UBA2: variants seen among roughly 807,000 people sequenced by gnomAD.
UBA2 encodes SUMO-activating enzyme subunit 2.
Under a neutral mutation model 77.2 loss-of-function variants are expected in UBA2, and 11 were observed. The observed-to-expected ratio is 0.14, with a 90% CI of 0.09 to 0.24. The LOEUF (loss-of-function observed/expected upper bound fraction) is 0.24. UBA2 is among the 10% of genes least tolerant of loss of function. The pLI, the probability that UBA2 is intolerant of heterozygous loss-of-function variation, is 1.00. For missense variants in UBA2, 487 were observed against 781.7 expected, an observed-to-expected ratio of 0.62 and a Z score of 4.50; for synonymous variants, 278 against 276.7, an observed-to-expected ratio of 1.00 and a Z score of -0.05.
rs2075726647 is a variant in UBA2 at position 34,470,545 on chromosome 19, T to C, written c.*1324T>C. 1.3e-5 allele frequency: 2 copies of C among 152,192 alleles called. No individual in the cohort carries two copies. The highest frequency in any genetic ancestry group is 2.9e-5 in the Non-Finnish European group (2 of 68,050). The allele number at this position is 152,192 out of a possible 1,614,324, so 9.4% of individuals were successfully genotyped here. On this transcript the variant is annotated 3_prime_UTR_variant, in exon 17 of 17. Coordinates refer to ENST00000246548, the MANE Select transcript of UBA2 (RefSeq NM_005499.3). The stretch of plus-strand genomic sequence containing the variant: ...GTGGGTTTTTTGTTCGTTTTTGAGA[T>C]GAAGCCTCACACTGTCATCTGGCCT...
intron 14 of UBA2, among the ~76,000 whole-genome samples, chr19:34,462,570 G>A (rs1369064211): frequency 6.6e-6 from 1 of 152,132 alleles, no homozygotes; most frequent in East Asian, 1.9e-4. Flanking sequence ...TATTTTCTGG[G>A]TGTCAACGTA....
chr19:34,438,764 C>T lies in UBA2; in HGVS notation c.579C>T (p.Phe193=). 1 of 1,612,730 alleles carries T rather than the reference C, an allele frequency of 6.2e-7. No individual in the cohort carries two copies. Among genetic ancestry groups the T allele is most frequent in the Non-Finnish European group, 8.5e-7 (1 of 1,179,694 alleles). ...GCATCGTTTGGGCAAAGTACTTGTT[C>T]AAGTAAGAGTGTATATTTCTTGGCA... ...IHCIVWAKYL[F]NQLFGEEDAD... Residue 193 remains phenylalanine (F), a splice_region_variant and synonymous_variant, in exon 6 of 17, where the codon TTC becomes TTT. Transcript: ENST00000246548.
chr19:34,457,423 C>T (rs116371302), intron 12 of UBA2, among the ~76,000 whole-genome samples: 2,762 of 151,826 alleles, frequency 0.018, 82 homozygotes, highest in African/African-American at 0.065. Context: ...CAAATGAATT[C>T]CAGCCTGGAT....
At chr19:34,428,816 C>T in intron 1 of UBA2, 2 of 1,157,314 alleles carry the variant, frequency 1.7e-6, no homozygotes, top group Non-Finnish European at 2.1e-6. Context: ...GCCCCCGCCT[C>T]CCCGGCAGCG....
intron 12 of UBA2, among the ~76,000 whole-genome samples, chr19:34,457,177 AAAATATATATATATATATATAT>A (rs1228214910): frequency 1.3e-4 from 9 of 68,506 alleles, no homozygotes; most frequent in African/African-American, 3.0e-4. Flanking sequence ...AAAAAAAAAA[AAAATATATATATATATATATAT>A]ATATATATAT....
Position 34,436,444 on chromosome 19 carries a change from C to T in UBA2, c.459+1476C>T, listed in dbSNP as rs567847064. On this transcript the variant is annotated intron_variant, in intron 5 of 16. Transcript: ENST00000246548. The stretch of plus-strand genomic sequence containing the variant: ...TCTCCCGAGTAGCTGGGATTACAGG[C>T]GTGCGCCACCACGCCTGGCTAATTT... Among the ~76,000 whole-genome samples, 8 of 152,210 alleles carry T rather than the reference C, an allele frequency of 5.3e-5. No homozygotes were observed. The South Asian group carries it at 6.2e-4, about 12-fold the overall frequency.
chr19:34,460,071 C>T (rs981629285), intron 13 of UBA2, among the ~76,000 whole-genome samples: 4 of 152,118 alleles, frequency 2.6e-5, no homozygotes, highest in South Asian at 2.1e-4. Flanking sequence ...ATGCATGGAA[C>T]GGGGAGACTT....
chr19:34,466,738 T>A, intron 15 of UBA2, 140 bp from the exon 16 acceptor site: 1 of 631,430 alleles, frequency 1.6e-6, no homozygotes, highest in Middle Eastern at 4.8e-4. Context: ...TCATTTTTTT[T>A]TAAATAAAAA....
At chr19:34,457,214 A>ATATATATATATATATATATAT (rs2075578002) in intron 12 of UBA2, among the ~76,000 whole-genome samples, 8 of 134,514 alleles carry the variant, frequency 5.9e-5, no homozygotes, top group African/African-American at 8.6e-5. Flanking sequence ...ATATATATAT[A>ATATATATATATATATATATAT]AAATTAGCTG....
Position 34,469,290 on chromosome 19 carries a change from CT to C in UBA2, c.*72del. On this transcript the variant is annotated 3_prime_UTR_variant, in exon 17 of 17. Transcript: ENST00000246548. ...CTGGGCAGAACCAGATTGTTATGTCCTTTGTTCCAAAGGGAAAAAATTGACA... is the reference window on the plus strand; with the variant it reads ...CTGGGCAGAACCAGATTGTTATGTCCTTGTTCCAAAGGGAAAAAATTGACA... The C allele has an allele frequency of 7.2e-7, 1 of 1,386,196 alleles. No homozygotes were observed. The highest frequency in any genetic ancestry group is 1.8e-5 in the South Asian group (1 of 54,496). 85.9% of individuals were successfully genotyped at this position (1,386,196 alleles called of 1,614,324 possible).
At chr19:34,459,288 T>C (rs927452315) in intron 13 of UBA2, among the ~76,000 whole-genome samples, 2 of 152,200 alleles carry the variant, frequency 1.3e-5, no homozygotes, top group Non-Finnish European at 2.9e-5. Flanking sequence ...AGCAGATAAG[T>C]ATTTGCATGC....
At chr19:34,459,885 G>A (rs564489483) in intron 13 of UBA2, among the ~76,000 whole-genome samples, 8 of 152,324 alleles carry the variant, frequency 5.3e-5, no homozygotes, top group African/African-American at 1.7e-4. Context: ...ACAGCAGCGG[G>A]TGGTTGCCCC....
At chr19:34,446,893 G>A (rs544725271) in intron 8 of UBA2, among the ~76,000 whole-genome samples, 3 of 152,154 alleles carry the variant, frequency 2.0e-5, no homozygotes, top group South Asian at 2.1e-4. Context: ...GGCATGAGCC[G>A]TCGTGCCCAG....
At chr19:34,445,387 C>G (rs1489960419) in intron 8 of UBA2, among the ~76,000 whole-genome samples, 1 of 151,008 alleles carries the variant, frequency 6.6e-6, no homozygotes, top group Non-Finnish European at 1.5e-5. Context: ...CTTTCCTTCT[C>G]TCACTTTTTA....
chr19:34,459,394 G>C (rs2075606877), intron 13 of UBA2, among the ~76,000 whole-genome samples: 1 of 152,188 alleles, frequency 6.6e-6, no homozygotes, highest in South Asian at 2.1e-4. Context: ...TTCTCTGCGT[G>C]TTGGACAGTG....
In UBA2 at chr19:34,467,046, A is replaced by C. The variant is rs776126905; in HGVS notation, c.1741+32A>C. On this transcript the variant is annotated intron_variant, in intron 16 of 16. Coordinates refer to ENST00000246548, the MANE Select transcript of UBA2 (RefSeq NM_005499.3). ...ATGGCCCCAGCCAGCAGGTTGTTAA[A>C]TACCCACAAAGCAGAAGTAAAAACA... 2.5e-6 allele frequency: 4 copies of C among 1,603,464 alleles called. No individual in the cohort carries two copies. The South Asian group carries it at 4.4e-5, about 18-fold the overall frequency.
At chr19:34,446,664 C>T (rs1382270472) in intron 8 of UBA2, among the ~76,000 whole-genome samples, 2 of 149,882 alleles carry the variant, frequency 1.3e-5, no homozygotes, top group South Asian at 2.1e-4. Flanking sequence ...GGCTAGAGTG[C>T]AGTGGCATGA....
At chr19:34,449,570 TAATC>T (rs2075470286) in intron 8 of UBA2, among the ~76,000 whole-genome samples, 2 of 152,304 alleles carry the variant, frequency 1.3e-5, no homozygotes, top group African/African-American at 2.4e-5. Context: ...TTGAATAAAT[TAATC>T]AACAATAGAA....
intron 1 of UBA2, among the ~76,000 whole-genome samples, chr19:34,429,780 G>A (rs147737948): frequency 2.6e-4 from 40 of 152,178 alleles, no homozygotes; most frequent in Non-Finnish European, 3.8e-4. Flanking sequence ...AGGCTGCAGT[G>A]AGCTGTGTTT....
Sources: gnomAD v4.1 joint callset for allele counts (sites outside exome capture counted in the v4.1 genomes callset) on GRCh38, gnomAD v4.1.1 for gene constraint, MANE v1.5 for transcripts, NCBI Gene and HGNC (gene_info 2026-07-23, HGNC 2026-07-21) for gene names.